Variants in DRC11 observed in about 807,000 individuals in gnomAD.
DRC11 encodes dynein regulatory complex subunit 11.
At chr2:236,356,205 G>A in the DRC11 span, among the ~76,000 whole-genome samples, 1 of 152,198 alleles carries the variant, frequency 6.6e-6, no homozygotes, top group South Asian at 2.1e-4. Context: ...CCTCGACCCA[G>A]ATCCAGGGGG....
At chr2:236,415,080 C>T in the DRC11 span, among the ~76,000 whole-genome samples, 1 of 152,022 alleles carries the variant, frequency 6.6e-6, no homozygotes, top group Admixed American at 6.5e-5. The surrounding 1 kb of genome is among the most constrained non-coding windows in gnomAD (Gnocchi z 5.7). Context: ...AGCTCTCTAC[C>T]TGTGTGACAT....
the DRC11 span, among the ~76,000 whole-genome samples, chr2:236,329,548 C>A: frequency 1.3e-4 from 20 of 152,258 alleles, no homozygotes; most frequent in African/African-American, 4.6e-4. Flanking sequence ...TCTGAGATAA[C>A]GTTGTCGGAA....
chr2:236,393,729 G>C, the DRC11 span, among the ~76,000 whole-genome samples: 1 of 152,178 alleles, frequency 6.6e-6, no homozygotes, highest in Non-Finnish European at 1.5e-5. The surrounding 1 kb of genome is among the most constrained non-coding windows in gnomAD (Gnocchi z 4.7). Flanking sequence ...GGGAAAGCCT[G>C]GGGAGACTCT....
the DRC11 span, among the ~76,000 whole-genome samples, chr2:236,310,011 C>T: frequency 6.6e-6 from 1 of 152,196 alleles, no homozygotes; most frequent in African/African-American, 2.4e-5. This position sits in a 1 kb window ranked among gnomAD's most constrained non-coding sequence, Gnocchi z 5.5. Flanking sequence ...TGCACCCGTG[C>T]CTGCCCGCAG....
chr2:236,416,817 GTGGCACATTAT>G, the DRC11 span, among the ~76,000 whole-genome samples: 1 of 142,958 alleles, frequency 7.0e-6, no homozygotes, highest in African/African-American at 2.6e-5. Flanking sequence ...CTGGAGTGCA[GTGGCACATTAT>G]TGGCTCACTG....
At chr2:236,395,136 T>G in the DRC11 span, among the ~76,000 whole-genome samples, 2 of 149,768 alleles carry the variant, frequency 1.3e-5, no homozygotes, top group South Asian at 2.1e-4. Flanking sequence ...GCGCTGGGGG[T>G]GGGAAGGGGG....
At chr2:236,384,537 T>A in the DRC11 span, among the ~76,000 whole-genome samples, 10 of 152,302 alleles carry the variant, frequency 6.6e-5, no homozygotes, top group Non-Finnish European at 5.9e-5. Context: ...TTTGTTTGAG[T>A]TCATTGTAGA....
chr2:236,421,424 A>G, the DRC11 span, among the ~76,000 whole-genome samples: 1 of 152,336 alleles, frequency 6.6e-6, no homozygotes, highest in South Asian at 2.1e-4. Context: ...AGAGAATACT[A>G]TAAACACCTT....
the DRC11 span, among the ~76,000 whole-genome samples, chr2:236,435,842 T>A: frequency 6.6e-6 from 1 of 152,192 alleles, no homozygotes; most frequent in Admixed American, 6.5e-5. Flanking sequence ...ATATTTACTG[T>A]TTGTCCTTTT....
the DRC11 span, among the ~76,000 whole-genome samples, chr2:236,432,815 A>G: frequency 6.6e-6 from 1 of 151,996 alleles, no homozygotes; most frequent in Non-Finnish European, 1.5e-5. Flanking sequence ...CTGGGTTTGT[A>G]TCATAATTAG....
chr2:236,317,997 G>A, the DRC11 span, among the ~76,000 whole-genome samples: 1 of 152,246 alleles, frequency 6.6e-6, no homozygotes, highest in African/African-American at 2.4e-5. This position sits in a 1 kb window ranked among gnomAD's most constrained non-coding sequence, Gnocchi z 5.4. Flanking sequence ...GCAGACACCG[G>A]TCTCACGGTG....
At chr2:236,445,856 C>T in the DRC11 span, among the ~76,000 whole-genome samples, 3 of 152,112 alleles carry the variant, frequency 2.0e-5, no homozygotes, top group Admixed American at 6.5e-5. The surrounding 1 kb of genome is among the most constrained non-coding windows in gnomAD (Gnocchi z 4.8). Context: ...CTTGTGCAAA[C>T]AGATGGGTGT....
chr2:236,429,296 C>T, the DRC11 span, among the ~76,000 whole-genome samples: 2 of 152,218 alleles, frequency 1.3e-5, no homozygotes, highest in Non-Finnish European at 2.9e-5. The surrounding 1 kb of genome is among the most constrained non-coding windows in gnomAD (Gnocchi z 5.9). Context: ...ACATGTGGCA[C>T]TGGGGGCCAG....
chr2:236,497,282 T>G, the DRC11 span: 5 of 1,613,960 alleles, frequency 3.1e-6, no homozygotes, highest in Non-Finnish European at 4.2e-6. The surrounding 1 kb of genome is among the most constrained non-coding windows in gnomAD (Gnocchi z 5.1). Flanking sequence ...AGGACTTTCC[T>G]GATCAGTATT....
chr2:236,503,791 G>T, the DRC11 span: 2 of 1,196,012 alleles, frequency 1.7e-6, no homozygotes, highest in Non-Finnish European at 1.2e-6. The surrounding 1 kb of genome is among the most constrained non-coding windows in gnomAD (Gnocchi z 4.9). Flanking sequence ...ACCATGCCTC[G>T]GCCACGCCAG....
the DRC11 span, among the ~76,000 whole-genome samples, chr2:236,463,387 T>C: frequency 1.4e-4 from 21 of 152,308 alleles, no homozygotes; most frequent in Admixed American, 1.3e-3. The surrounding 1 kb of genome is among the most constrained non-coding windows in gnomAD (Gnocchi z 5.0). Flanking sequence ...AAATTCCTCA[T>C]TTTAAATACC....
chr2:236,477,967 G>T, the DRC11 span, among the ~76,000 whole-genome samples: 1 of 151,042 alleles, frequency 6.6e-6, no homozygotes, highest in Non-Finnish European at 1.5e-5. Context: ...TGTTAATTTT[G>T]TTATCTTTTC....
At chr2:236,337,345 C>T in the DRC11 span, among the ~76,000 whole-genome samples, 4 of 152,138 alleles carry the variant, frequency 2.6e-5, no homozygotes, top group South Asian at 2.1e-4. This position sits in a 1 kb window ranked among gnomAD's most constrained non-coding sequence, Gnocchi z 4.9. Context: ...GTTCACCACC[C>T]GTCCTTCCCT....
At chr2:236,430,549 T>C in the DRC11 span, among the ~76,000 whole-genome samples, 3 of 152,242 alleles carry the variant, frequency 2.0e-5, no homozygotes, top group Admixed American at 1.3e-4. The surrounding 1 kb of genome is among the most constrained non-coding windows in gnomAD (Gnocchi z 6.0). Flanking sequence ...AGGTGTATTG[T>C]AACAATTTAT....
Sources: gnomAD v4.1 joint callset for allele counts (sites outside exome capture counted in the v4.1 genomes callset) on GRCh38, gnomAD v4.1.1 for gene constraint, Gnocchi (gnomAD v3.1) non-coding constraint, MANE v1.5 for transcripts, NCBI Gene and HGNC (gene_info 2026-07-23, HGNC 2026-07-21) for gene names.